Variants in TPRA1 observed in about 807,000 individuals in gnomAD.
TPRA1 encodes the protein transmembrane protein adipocyte-associated 1.
TPRA1 carries 28 observed loss-of-function variants against 40.1 expected under a neutral mutation model. The ratio of observed to expected loss-of-function variants is 0.70; its 90% CI spans 0.52 to 0.96. The LOEUF is 0.96. Among genes scored for constraint, TPRA1 ranks in the 40% least tolerant of loss-of-function variants. TPRA1 has a pLI of 0.00. For synonymous variants in TPRA1, 219 were observed against 209.7 expected, an observed-to-expected ratio of 1.04 and a Z score of -0.38; for missense variants, 441 against 482.6, an observed-to-expected ratio of 0.91 and a Z score of 0.81.
intron 1 of TPRA1, among the ~76,000 whole-genome samples, chr3:127,587,726 G>A (rs2074041852): frequency 6.7e-6 from 1 of 149,916 alleles, no homozygotes; most frequent in Non-Finnish European, 1.5e-5. Flanking sequence ...GTCCAGGCTG[G>A]AGTGCAGTGG....
chr3:127,596,354 C>T (rs1576407094), intron 1 of TPRA1, among the ~76,000 whole-genome samples: 1 of 152,218 alleles, frequency 6.6e-6, no homozygotes, highest in South Asian at 2.1e-4. Flanking sequence ...GCTGGGATTA[C>T]AGGTGTGAGC....
rs765666772 is a variant in TPRA1, at chr3:127,579,887, C to CA, written c.126-16dup. On this transcript the variant is annotated splice_polypyrimidine_tract_variant and intron_variant, in intron 2 of 10. Transcript: ENST00000355552. ...AGTACCGGACCCTGGCGGATGGGCA[C>CA]AGGAGCTGGCTCACTGGCGAGGCCA... The CA allele has an allele frequency of 6.2e-7, 1 of 1,612,952 alleles. No homozygotes were observed. Among genetic ancestry groups the CA allele is most frequent in the African/African-American group, 1.3e-5 (1 of 75,016 alleles).
rs2073409879 is a variant in TPRA1, at chr3:127,572,683, A to T, written c.*838T>A. ...GTGCTTAGTGTTTTCCAATCCTTAC[A>T]AAAGGCCCTGCAGGATGGGTCTTCT... is the stretch of plus-strand genomic sequence containing the variant. On this transcript the variant is annotated 3_prime_UTR_variant, in exon 11 of 11. Transcript: ENST00000355552. 6.6e-6 allele frequency among the ~76,000 whole-genome samples: 1 copy of T among 152,176 alleles called. No individual in the cohort carries two copies. The highest frequency in any genetic ancestry group is 1.5e-5 in the Non-Finnish European group (1 of 68,028).
chr3:127,586,457 CAAG>C (rs1272896573), intron 1 of TPRA1, among the ~76,000 whole-genome samples: 1 of 152,212 alleles, frequency 6.6e-6, no homozygotes, highest in African/African-American at 2.4e-5. Flanking sequence ...CTTCTGGGTT[CAAG>C]GAGTCTTCCC....
At chr3:127,583,855 G>A (rs770431450) in intron 1 of TPRA1, among the ~76,000 whole-genome samples, 52 of 152,006 alleles carry the variant, frequency 3.4e-4, no homozygotes, top group Non-Finnish European at 5.0e-4. Context: ...TATTTTAGTA[G>A]AGACGGGGTT....
intron 10 of TPRA1, 134 bp from the exon 11 acceptor site, chr3:127,573,922 T>C: frequency 8.3e-7 from 1 of 1,202,542 alleles, no homozygotes. Flanking sequence ...TGAGTGGGCC[T>C]GTGAGCTGGA....
chr3:127,579,148 C>A (rs2073745463), intron 3 of TPRA1, among the ~76,000 whole-genome samples: 1 of 152,224 alleles, frequency 6.6e-6, no homozygotes, highest in Non-Finnish European at 1.5e-5. Context: ...GCAACACGTG[C>A]CAGGACCACC....
chr3:127,576,613 T>C lies in TPRA1; in HGVS notation c.498+4A>G. The C allele has an allele frequency of 6.3e-7, 1 of 1,599,220 alleles. No homozygotes were observed. The highest frequency in any genetic ancestry group is 8.5e-7 in the Non-Finnish European group (1 of 1,172,730). On this transcript the variant is annotated splice_donor_region_variant and intron_variant, in intron 6 of 10. Coordinates refer to ENST00000355552, the MANE Select transcript of TPRA1 (RefSeq NM_001136053.4). This position sits in a 1 kb window ranked among gnomAD's most constrained non-coding sequence, Gnocchi z 4.6. ...GCGTCCCCTGCCCACACTCACCCTC[T>C]TACCTGGGTGACAGAGTAGGCCAGG...
chr3:127,591,154 C>T (rs2074160738), upstream of TPRA1: 1 of 152,086 alleles, frequency 6.6e-6, no homozygotes, highest in Non-Finnish European at 1.5e-5. Flanking sequence ...CTTCGGGCGC[C>T]CTGCAGGGGT....
chr3:127,596,562 G>T (rs930487236), intron 1 of TPRA1, among the ~76,000 whole-genome samples: 2 of 152,088 alleles, frequency 1.3e-5, no homozygotes, highest in Non-Finnish European at 2.9e-5. Context: ...ACTCACTCTG[G>T]ATTATACAAC....
Position 127,573,475 on chromosome 3 carries a change from C to A in TPRA1, c.*46G>T. The A allele has an allele frequency of 1.3e-6, 2 of 1,570,052 alleles. No individual in the cohort carries two copies. Among genetic ancestry groups the A allele is most frequent in the Non-Finnish European group, 8.6e-7 (1 of 1,157,202 alleles). ...TCCTCCCCTGGGGACTCTGGGCCTG[C>A]TGGCCTCCTCTCTGGCCTGTCCTCC... On this transcript the variant is annotated 3_prime_UTR_variant, in exon 11 of 11. Transcript: ENST00000355552.
intron 10 of TPRA1, 137 bp from the exon 11 acceptor site, chr3:127,573,925 G>C: frequency 5.9e-6 from 7 of 1,178,956 alleles, no homozygotes; most frequent in Non-Finnish European, 8.0e-6. Flanking sequence ...GTGGGCCTGT[G>C]AGCTGGACCC....
intron 10 of TPRA1, 133 bp from the exon 11 acceptor site, chr3:127,573,921 C>T: frequency 8.3e-7 from 1 of 1,197,980 alleles, no homozygotes; most frequent in Non-Finnish European, 1.1e-6. Context: ...CTGAGTGGGC[C>T]TGTGAGCTGG....
chr3:127,575,030 A>G (rs1378074900), intron 10 of TPRA1, 155 bp downstream of exon 10: 1 of 757,508 alleles, frequency 1.3e-6, no homozygotes, highest in Non-Finnish European at 2.2e-6. Context: ...GTGCATGTGT[A>G]TCTGTATGTG....
Position 127,579,892 on chromosome 3 carries a change from G to C in TPRA1, c.126-20C>G, listed in dbSNP as rs775238414. 6.2e-7 allele frequency: 1 copy of C among 1,612,772 alleles called. No individual in the cohort carries two copies. Among genetic ancestry groups the C allele is most frequent in the Non-Finnish European group, 8.5e-7 (1 of 1,179,954 alleles). On this transcript the variant is annotated intron_variant, in intron 2 of 10. Transcript: ENST00000355552. ...CGGACCCTGGCGGATGGGCACAGGA[G>C]CTGGCTCACTGGCGAGGCCACATAT...
chr3:127,589,735 C>T (rs2074110944), intron 1 of TPRA1, among the ~76,000 whole-genome samples: 1 of 152,038 alleles, frequency 6.6e-6, no homozygotes, highest in Non-Finnish European at 1.5e-5. Context: ...GCGCCCGAGC[C>T]GCGTCTGGGT....
At chr3:127,592,422 A>G (rs1396424699), upstream of TPRA1, among the ~76,000 whole-genome samples, 1 of 114,770 alleles carries the variant, frequency 8.7e-6, no homozygotes, top group Non-Finnish European at 1.6e-5. Context: ...TCTGTCGCCC[A>G]GGTCGGACTG....
chr3:127,580,236 C>G (rs2073789664), intron 1 of TPRA1, 73 bp from the exon 2 acceptor site: 3 of 1,511,122 alleles, frequency 2.0e-6, no homozygotes, highest in Non-Finnish European at 8.9e-7. Context: ...ACCTGGGACT[C>G]CCAGGGGAAA....
In TPRA1 at chr3:127,573,136, T is replaced by G; in HGVS notation, c.*385A>C. On this transcript the variant is annotated 3_prime_UTR_variant, in exon 11 of 11. Transcript: ENST00000355552. ...TATACACACTTCAGTCCATCCACCA[T>G]GGTGGATGCTTTGAGGAGGCCAAAG... The G allele has an allele frequency of 8.9e-5, 16 of 179,806 alleles. No homozygotes were observed. Among genetic ancestry groups the G allele is most frequent in the East Asian group, 2.8e-4 (2 of 7,182 alleles). 11.1% of individuals were successfully genotyped at this position (179,806 alleles called of 1,614,324 possible).
Sources: allele counts gnomAD v4.1 joint callset (sites outside exome capture counted in the v4.1 genomes callset), GRCh38; gene constraint gnomAD v4.1.1; non-coding constraint Gnocchi (gnomAD v3.1); transcripts MANE v1.5; gene names NCBI Gene and HGNC (gene_info 2026-07-23, HGNC 2026-07-21).